The following SLC4A10 variants were observed in gnomAD, a reference collection of about 807,000 sequenced individuals.
SLC4A10 encodes solute carrier family 4 member 10.
A neutral mutation model predicts 137.7 loss-of-function variants in SLC4A10; 42 were observed. The observed-to-expected ratio is 0.30, with a 90% CI of 0.24 to 0.39. The LOEUF (loss-of-function observed/expected upper bound fraction) is 0.39, where lower values mean the gene tolerates loss of function less well. SLC4A10 is among the 10% of genes least tolerant of loss of function. The pLI is 1.00. For synonymous variants in SLC4A10, 474 were observed against 464.1 expected, an observed-to-expected ratio of 1.02 and a Z score of -0.27; for missense variants, 925 against 1,355.0, an observed-to-expected ratio of 0.68 and a Z score of 4.98.
chr2:161,836,576 G>T (rs2058811060), intron 3 of SLC4A10, among the ~76,000 whole-genome samples: 1 of 111,558 alleles, frequency 9.0e-6, no homozygotes, highest in Non-Finnish European at 1.9e-5. Flanking sequence ...AAGAAAGAAA[G>T]AAAGAAAGAA....
chr2:161,913,653 C>A (rs993946965), intron 15 of SLC4A10, among the ~76,000 whole-genome samples: 1 of 152,170 alleles, frequency 6.6e-6, no homozygotes, highest in African/African-American at 2.4e-5. Flanking sequence ...TTTTATAGAA[C>A]AAGTTATGAC....
intron 1 of SLC4A10, among the ~76,000 whole-genome samples, chr2:161,698,572 T>C (rs546451623): frequency 6.6e-6 from 1 of 152,244 alleles, no homozygotes; most frequent in Admixed American, 6.5e-5. Flanking sequence ...AACCATGAGG[T>C]TTTTGTTGTT....
At chr2:161,656,515 A>G (rs2037554642) in intron 1 of SLC4A10, among the ~76,000 whole-genome samples, 2 of 152,196 alleles carry the variant, frequency 1.3e-5, no homozygotes, top group South Asian at 2.1e-4. Context: ...GAGGTGTAGA[A>G]TGTATTAAAA....
intron 9 of SLC4A10, among the ~76,000 whole-genome samples, chr2:161,880,880 A>G (rs2061722132): frequency 2.6e-5 from 4 of 152,122 alleles, no homozygotes; most frequent in Non-Finnish European, 5.9e-5. Context: ...ATTTCAAAAG[A>G]AGGAAAAGAA....
Position 161,950,686 on chromosome 2 carries a change from G to A in SLC4A10, c.2380-1G>A. On this transcript the variant is annotated splice_acceptor_variant, in intron 18 of 26. Transcript: ENST00000446997. LOFTEE classifies it high-confidence loss of function. ...CTATGCACATTCTTTACTTTATACAGCCCACTAGAGATGATCGTGGCTGGT... is the reference window on the plus strand; with the variant it reads ...CTATGCACATTCTTTACTTTATACAACCCACTAGAGATGATCGTGGCTGGT... The A allele has an allele frequency of 6.3e-7, 1 of 1,580,030 alleles. No individual in the cohort carries two copies. Among genetic ancestry groups the A allele is most frequent in the Non-Finnish European group, 8.6e-7 (1 of 1,161,092 alleles).
chr2:161,734,652 A>C (rs1053824421), intron 1 of SLC4A10, among the ~76,000 whole-genome samples: 20 of 152,242 alleles, frequency 1.3e-4, no homozygotes, highest in African/African-American at 4.8e-4. Context: ...AACGAGACAC[A>C]ATTAGTTTTA....
intron 2 of SLC4A10, among the ~76,000 whole-genome samples, chr2:161,802,807 A>G (rs2055512817): frequency 6.6e-6 from 1 of 152,084 alleles, no homozygotes; most frequent in South Asian, 2.1e-4. Flanking sequence ...TTGGACAGAG[A>G]GCAAGAGAGG....
chr2:161,678,223 A>C (rs1426040577), intron 1 of SLC4A10, among the ~76,000 whole-genome samples: 1 of 152,172 alleles, frequency 6.6e-6, no homozygotes, highest in African/African-American at 2.4e-5. Flanking sequence ...GGGAGGTGAC[A>C]AGGTACAAAA....
chr2:161,660,120 T>A (rs2038093088), intron 1 of SLC4A10, among the ~76,000 whole-genome samples: 1 of 152,230 alleles, frequency 6.6e-6, no homozygotes, highest in African/African-American at 2.4e-5. Flanking sequence ...GTGAGCATAC[T>A]AAGGACCATT....
At chr2:161,794,955 G>GT (rs974236423) in intron 2 of SLC4A10, among the ~76,000 whole-genome samples, 64 of 151,696 alleles carry the variant, frequency 4.2e-4, no homozygotes, top group African/African-American at 1.4e-3. Flanking sequence ...TTCATCAAAA[G>GT]TGTCCTGCAA....
At position 161,942,784 on chromosome 2, in the gene SLC4A10, C is replaced by A. The variant is rs769952623; in HGVS notation, c.1998-8C>A. The A allele has an allele frequency of 6.3e-6, 10 of 1,590,462 alleles. No homozygotes were observed. In the African/African-American group the frequency reaches 1.2e-4, roughly 19 times the overall value. ...TATTTCACAAAAGACACTATTTTGC[C>A]TTTTCAGGTGTAACTGTGTGGAACC... is the stretch of plus-strand genomic sequence containing the variant. On this transcript the variant is annotated splice_polypyrimidine_tract_variant and splice_region_variant and intron_variant, in intron 15 of 26. Transcript: ENST00000446997.
intron 1 of SLC4A10, among the ~76,000 whole-genome samples, chr2:161,627,439 T>C (rs561814252): frequency 6.6e-6 from 1 of 152,162 alleles, no homozygotes; most frequent in East Asian, 1.9e-4. Context: ...GGTAGAAAGA[T>C]AGGGAAGTGA....
intron 4 of SLC4A10, among the ~76,000 whole-genome samples, chr2:161,842,939 G>T (rs1221802122): frequency 6.6e-6 from 1 of 152,150 alleles, no homozygotes; most frequent in Non-Finnish European, 1.5e-5. Flanking sequence ...ATGTTCCTAT[G>T]TGACTTGAAG....
At chr2:161,679,126 C>G (rs1312357056) in intron 1 of SLC4A10, among the ~76,000 whole-genome samples, 1 of 152,074 alleles carries the variant, frequency 6.6e-6, no homozygotes. Context: ...TTGGAATTGT[C>G]TGTCTTATGT....
chr2:161,832,289 G>A (rs1321658314), intron 3 of SLC4A10, among the ~76,000 whole-genome samples: 1 of 152,184 alleles, frequency 6.6e-6, no homozygotes, highest in Non-Finnish European at 1.5e-5. Context: ...TCTGACTCAA[G>A]AGTCTCATGG....
chr2:161,890,029 T>A (rs1575480629), intron 10 of SLC4A10, among the ~76,000 whole-genome samples: 1 of 152,082 alleles, frequency 6.6e-6, no homozygotes, highest in Admixed American at 6.6e-5. Context: ...TTATTTCTGC[T>A]TTAATTTCGT....
At chr2:161,902,191 G>C (rs1683267768) in intron 12 of SLC4A10, 1 of 421,170 alleles carries the variant, frequency 2.4e-6, no homozygotes, top group Non-Finnish European at 4.7e-6. Context: ...TCCGGATTTA[G>C]ATTTTTACTG....
intron 15 of SLC4A10, among the ~76,000 whole-genome samples, chr2:161,918,603 A>T (rs1041998097): frequency 6.6e-6 from 1 of 152,228 alleles, no homozygotes; most frequent in Non-Finnish European, 1.5e-5. Flanking sequence ...GATTATAAAA[A>T]TTCACCACTT....
At chr2:161,946,568 T>C (rs562859120) in intron 16 of SLC4A10, among the ~76,000 whole-genome samples, 2 of 152,236 alleles carry the variant, frequency 1.3e-5, no homozygotes, top group South Asian at 4.1e-4. Context: ...ATTTAAACCA[T>C]TATTTCCTGT....
Sources: allele counts gnomAD v4.1 joint callset (sites outside exome capture counted in the v4.1 genomes callset), GRCh38; gene constraint gnomAD v4.1.1; transcripts MANE v1.5; gene names NCBI Gene and HGNC (gene_info 2026-07-23, HGNC 2026-07-21).